RASSF3: variants seen among roughly 807,000 people sequenced by gnomAD.
The protein encoded by RASSF3 is Ras association domain family member 3.
A neutral mutation model predicts 19.9 loss-of-function variants in RASSF3; 19 were observed. That is an observed-to-expected ratio of 0.96 (90% CI 0.67 to 1.40). The LOEUF (loss-of-function observed/expected upper bound fraction) is 1.40, where lower values mean the gene tolerates loss of function less well. Ranked by LOEUF, RASSF3 falls within the 40% of genes most tolerant of loss-of-function variation. RASSF3 has a pLI of 0.00. For missense variants in RASSF3, 306 were observed against 289.8 expected (o/e 1.06, Z -0.41); for synonymous variants, 110 against 104.2 (o/e 1.06, Z -0.34).
At chr12:64,524,484 C>T (rs1287984436) in intron 1 of RASSF3, among the ~76,000 whole-genome samples, 1 of 152,020 alleles carries the variant, frequency 6.6e-6, no homozygotes, top group East Asian at 1.9e-4. Flanking sequence ...TCCCAAGTCA[C>T]ACTGTTTTGT....
At chr12:64,618,723 T>C (rs1870638837) in intron 1 of RASSF3, among the ~76,000 whole-genome samples, 1 of 152,170 alleles carries the variant, frequency 6.6e-6, no homozygotes, top group Non-Finnish European at 1.5e-5. Context: ...ATTTGAAATA[T>C]ATGTAAAAAC....
intron 1 of RASSF3, among the ~76,000 whole-genome samples, chr12:64,522,701 C>A (rs947748179): frequency 6.6e-6 from 1 of 151,976 alleles, no homozygotes; most frequent in Non-Finnish European, 1.5e-5. Context: ...ATAAAAAAAA[C>A]TGGAAGTTTC....
chr12:64,511,766 T>C (rs149058394), intron 1 of RASSF3, among the ~76,000 whole-genome samples: 95 of 151,970 alleles, frequency 6.3e-4, no homozygotes, highest in African/African-American at 2.3e-3. Flanking sequence ...TATTAATTTA[T>C]TTTTAAAAAT....
intron 2 of RASSF3, among the ~76,000 whole-genome samples, chr12:64,603,579 C>T (rs1287327491): frequency 6.6e-6 from 1 of 152,148 alleles, no homozygotes; most frequent in Non-Finnish European, 1.5e-5. Flanking sequence ...GGTAACACAT[C>T]CTTTCCTTGA....
chr12:64,622,690 A>G (rs1870825278), intron 1 of RASSF3: 1 of 254,570 alleles, frequency 3.9e-6, no homozygotes, highest in Non-Finnish European at 7.8e-6. Flanking sequence ...TTTCTTTCAG[A>G]ATCTTTTTAT....
At chr12:64,579,470 C>A (rs538402390) in intron 2 of RASSF3, among the ~76,000 whole-genome samples, 1 of 151,412 alleles carries the variant, frequency 6.6e-6, no homozygotes, top group South Asian at 2.1e-4. Flanking sequence ...CCTGCCTCAG[C>A]TTCTCCAGTA....
intron 1 of RASSF3, among the ~76,000 whole-genome samples, chr12:64,681,427 T>C (rs1204940367): frequency 6.6e-6 from 1 of 152,178 alleles, no homozygotes; most frequent in Non-Finnish European, 1.5e-5. Context: ...TCAGAAAGGT[T>C]AAGCCCAAGG....
At chr12:64,660,560 C>A (rs1872320228) in intron 1 of RASSF3, among the ~76,000 whole-genome samples, 1 of 152,268 alleles carries the variant, frequency 6.6e-6, no homozygotes, top group South Asian at 2.1e-4. Context: ...ATTCTAATTT[C>A]TTGGCCTTTA....
chr12:64,660,211 C>A (rs1032599731), intron 1 of RASSF3, among the ~76,000 whole-genome samples: 1 of 151,922 alleles, frequency 6.6e-6, no homozygotes, highest in African/African-American at 2.4e-5. Context: ...AGCTACTGTG[C>A]CCATCCTGAA....
chr12:64,688,554 T>C, intron 3 of RASSF3, 101 bp downstream of exon 3: 1 of 814,534 alleles, frequency 1.2e-6, no homozygotes, highest in South Asian at 1.5e-5. Flanking sequence ...ATGTCAGTTG[T>C]GTCAGAGCCT....
In RASSF3 at chr12:64,610,610, C is replaced by CCG; in HGVS notation, c.-16_-15dup. 2.0e-6 allele frequency: 3 copies of CCG among 1,468,592 alleles called. No homozygotes were observed. Among genetic ancestry groups the CCG allele is most frequent in the Non-Finnish European group, 2.7e-6 (3 of 1,101,750 alleles). The allele number at this position is 1,468,592 out of a possible 1,614,324, so 91.0% of individuals were successfully genotyped here. ...GCCGCCTGCGCCCCGGGGAGGCCGC[C>CCG]CGCGCGCGACGGGACCGGCAGCATG... On this transcript the variant is annotated 5_prime_UTR_variant, in exon 1 of 5. Coordinates refer to ENST00000542104, the MANE Select transcript of RASSF3 (RefSeq NM_178169.4).
intron 4 of RASSF3, among the ~76,000 whole-genome samples, chr12:64,694,253 G>T (rs1868323902): frequency 6.6e-6 from 1 of 152,190 alleles, no homozygotes; most frequent in Non-Finnish European, 1.5e-5. Context: ...TAAGAGCCGA[G>T]TGAGGAGGCC....
intron 2 of RASSF3, among the ~76,000 whole-genome samples, chr12:64,587,035 C>T (rs1185665364): frequency 2.1e-5 from 3 of 142,420 alleles, no homozygotes; most frequent in Non-Finnish European, 4.4e-5. Flanking sequence ...CCATATTCCT[C>T]GTATTCCTCG....
chr12:64,566,200 C>G (rs1416489359), intron 2 of RASSF3, among the ~76,000 whole-genome samples: 1 of 151,542 alleles, frequency 6.6e-6, no homozygotes, highest in Admixed American at 6.6e-5. Context: ...GACTCTGTCT[C>G]AAAAAAAAGT....
intron 1 of RASSF3, among the ~76,000 whole-genome samples, chr12:64,652,206 A>G (rs184932299): frequency 1.1e-4 from 17 of 149,922 alleles, no homozygotes; most frequent in African/African-American, 3.8e-4. Flanking sequence ...CAAAATTAAC[A>G]TTGTAGTTTT....
chr12:64,690,923 C>T (rs998351869), intron 3 of RASSF3, among the ~76,000 whole-genome samples: 1 of 151,962 alleles, frequency 6.6e-6, no homozygotes, highest in South Asian at 2.1e-4. Flanking sequence ...CGCAATGGCA[C>T]GATCTCGGCT....
At chr12:64,529,064 G>A (rs1565833211), upstream of RASSF3, among the ~76,000 whole-genome samples, 1 of 152,238 alleles carries the variant, frequency 6.6e-6, no homozygotes, top group Non-Finnish European at 1.5e-5. Context: ...TTACTTCATG[G>A]TGCACTTCCC....
intron 3 of RASSF3, 148 bp from the exon 4 acceptor site, chr12:64,691,322 G>A: frequency 1.6e-6 from 1 of 634,426 alleles, no homozygotes. Flanking sequence ...TGGGCTACTG[G>A]TATTAAATAA....
intron 1 of RASSF3, among the ~76,000 whole-genome samples, chr12:64,535,995 CTT>C (rs11312626): frequency 0.024 from 2,463 of 104,348 alleles, 62 homozygotes; most frequent in African/African-American, 0.081. Context: ...CCTGTTTTCA[CTT>C]TTTTTTTTTT....
Sources: gnomAD v4.1 joint callset for allele counts (sites outside exome capture counted in the v4.1 genomes callset) on GRCh38, gnomAD v4.1.1 for gene constraint, MANE v1.5 for transcripts, NCBI Gene and HGNC (gene_info 2026-07-23, HGNC 2026-07-21) for gene names.